SPATA4: variants seen among roughly 807,000 people sequenced by gnomAD.
The protein encoded by SPATA4 is spermatogenesis associated 4, also known as spermatogenesis-associated protein 4.
In SPATA4, 35 loss-of-function variants were observed where a neutral mutation model predicts 31.8. The observed-to-expected ratio is 1.10, with a 90% CI of 0.84 to 1.46. The LOEUF (loss-of-function observed/expected upper bound fraction) is 1.46. Ranked by LOEUF, SPATA4 falls within the 40% of genes most tolerant of loss-of-function variation. The pLI, the probability that SPATA4 is intolerant of heterozygous loss-of-function variation, is 0.00. For synonymous variants in SPATA4, 126 were observed against 132.4 expected, an observed-to-expected ratio of 0.95 and a Z score of 0.33; for missense variants, 394 against 363.1, an observed-to-expected ratio of 1.09 and a Z score of -0.69.
At chr4:176,185,224 A>G (rs1752422531) in intron 5 of SPATA4, among the ~76,000 whole-genome samples, 1 of 152,166 alleles carries the variant, frequency 6.6e-6, no homozygotes, top group Admixed American at 6.5e-5. Context: ...TTTTATACTT[A>G]GATTTGACAA....
intron 4 of SPATA4, among the ~76,000 whole-genome samples, chr4:176,192,234 C>T (rs1203003793): frequency 6.6e-6 from 1 of 152,198 alleles, no homozygotes; most frequent in Non-Finnish European, 1.5e-5. Flanking sequence ...GAAAGGATAA[C>T]ATTGTCCACA....
chr4:176,192,511 T>A, intron 4 of SPATA4, 116 bp downstream of exon 4: 1 of 776,036 alleles, frequency 1.3e-6, no homozygotes, highest in African/African-American at 1.7e-5. Flanking sequence ...GTAATTTCCC[T>A]TTAAACCAGT....
intron 1 of SPATA4, chr4:176,194,920 A>T (rs926236332): frequency 1.3e-5 from 2 of 159,946 alleles, no homozygotes; most frequent in African/African-American, 4.8e-5. Context: ...ATTTTTTAGT[A>T]GAGACGGGGT....
chr4:176,195,469 T>C lies in SPATA4; in HGVS notation c.94A>G (p.Ile32Val), dbSNP rs536462821. The C allele has an allele frequency of 3.6e-5, 58 of 1,614,234 alleles. No homozygotes were observed. In the South Asian group the frequency reaches 5.9e-4, roughly 17 times the overall value. Residue 32 changes from isoleucine (I) to valine (V), a missense_variant, in exon 1 of 6, where the codon ATC becomes GTC. Coordinates refer to ENST00000280191, the MANE Select transcript of SPATA4 (RefSeq NM_144644.4). ...AGACACTTCTTAGGCCTCCCTCGGA[T>C]GGGAGCTGCTAGCTGTGGCGAAAGT... ...PSLSPQLAAPIRGRPKKCLVY... is the reference protein window; with the variant it reads ...PSLSPQLAAPVRGRPKKCLVY...
At chr4:176,190,854 A>G (rs1291340776) in intron 4 of SPATA4, among the ~76,000 whole-genome samples, 3 of 152,192 alleles carry the variant, frequency 2.0e-5, no homozygotes, top group South Asian at 4.1e-4. Flanking sequence ...ATAAGCCAGC[A>G]AACACACCCT....
At chr4:176,185,198 G>A (rs1752422165) in intron 5 of SPATA4, among the ~76,000 whole-genome samples, 1 of 152,106 alleles carries the variant, frequency 6.6e-6, no homozygotes, top group Non-Finnish European at 1.5e-5. Flanking sequence ...AAGCAGCTGA[G>A]GCAACAGTAG....
chr4:176,187,847 A>C (rs1752469179), intron 5 of SPATA4, among the ~76,000 whole-genome samples: 2 of 152,190 alleles, frequency 1.3e-5, no homozygotes, highest in East Asian at 3.8e-4. Flanking sequence ...TTTGAACTCT[A>C]ATGAGCCTGA....
At chr4:176,189,825 G>T (rs748927517) in intron 4 of SPATA4, among the ~76,000 whole-genome samples, 1 of 152,140 alleles carries the variant, frequency 6.6e-6, no homozygotes, top group African/African-American at 2.4e-5. Flanking sequence ...AGGACAAGCC[G>T]CAGACAAAAC....
chr4:176,191,494 G>A (rs1238464995), intron 4 of SPATA4, among the ~76,000 whole-genome samples: 1 of 152,208 alleles, frequency 6.6e-6, no homozygotes, highest in African/African-American at 2.4e-5. Flanking sequence ...AAAGGGGAAG[G>A]TAAAGGCATT....
chr4:176,192,978 G>A lies in SPATA4; in HGVS notation c.447C>T (p.Tyr149=). 2 of 1,607,838 alleles carry A rather than the reference G, an allele frequency of 1.2e-6. No individual in the cohort carries two copies. Among genetic ancestry groups the A allele is most frequent in the Non-Finnish European group, 1.7e-6 (2 of 1,177,290 alleles). Residue 149 remains tyrosine (Y), a synonymous_variant, in exon 3 of 6, where the codon TAC becomes TAT. Coordinates refer to ENST00000280191, the MANE Select transcript of SPATA4 (RefSeq NM_144644.4). ...CTTACTCTCGATGTGTTAATAAAGT[G>A]TAAACCTCTTCTATCAATATTTCAG... The part of the protein sequence containing the change: ...GVPEILIEEV[Y]TLLTHREIKS...
At position 176,192,812 on chromosome 4, in the gene SPATA4, G is replaced by T; in HGVS notation, c.503C>A (p.Thr168Lys). 1 of 1,613,862 alleles carries T rather than the reference G, an allele frequency of 6.2e-7. No individual in the cohort carries two copies. The highest frequency in any genetic ancestry group is 1.1e-5 in the South Asian group (1 of 91,028). Reference protein sequence around the residue: ...KSIQDDFVNFTDYSYQMRLPL... With the variant: ...KSIQDDFVNFKDYSYQMRLPL... The stretch of plus-strand genomic sequence containing the variant: ...TAAACGCATCTGGTAGCTATAGTCC[G>T]TGAAATTCACAAAGTCATCCTGGAT... The change falls in exon 4 of 6, where the codon ACG (threonine) becomes AAG (lysine). Residue 168 changes from threonine to lysine, a missense_variant. Transcript: ENST00000280191.
Position 176,193,054 on chromosome 4 carries a change from T to C in SPATA4, c.371A>G (p.Lys124Arg). The change falls in exon 3 of 6, where the codon AAA (lysine) becomes AGA (arginine). Residue 124 changes from lysine to arginine, a missense_variant. Transcript: ENST00000280191. ...LEKFLARKKF[K>R]LPKELIHGTI... Reference sequence around the variant, plus strand: ...TCCATGGATTAGTTCTTTAGGTAATTTAAATTTTTTTCTTGCCAGGAACTT... The same window carrying C: ...TCCATGGATTAGTTCTTTAGGTAATCTAAATTTTTTTCTTGCCAGGAACTT... 2 of 1,591,902 alleles carry C rather than the reference T, an allele frequency of 1.3e-6. No homozygotes were observed. Among genetic ancestry groups the C allele is most frequent in the Non-Finnish European group, 8.5e-7 (1 of 1,173,716 alleles).
At chr4:176,189,459 G>GAA (rs5864366) in intron 4 of SPATA4, among the ~76,000 whole-genome samples, 13 of 144,610 alleles carry the variant, frequency 9.0e-5, no homozygotes, top group Non-Finnish European at 1.2e-4. Flanking sequence ...CAGAAAAAGA[G>GAA]AAAAAAAAAA....
intron 2 of SPATA4, 50 bp downstream of exon 2, chr4:176,193,403 T>C (rs1362859871): frequency 1.3e-6 from 2 of 1,592,190 alleles, no homozygotes; most frequent in Non-Finnish European, 1.7e-6. Flanking sequence ...CATGGCACAC[T>C]TTAAAACAAA....
chr4:176,194,726 T>C (rs1393003685), intron 1 of SPATA4: 1 of 23,012 alleles, frequency 4.3e-5, no homozygotes, highest in Non-Finnish European at 8.3e-5. Context: ...ACCAGTATTT[T>C]TTTTTTTTTT....
chr4:176,188,252 C>G lies in SPATA4; in HGVS notation c.689-17G>C. On this transcript the variant is annotated splice_polypyrimidine_tract_variant and intron_variant, in intron 4 of 5. Coordinates refer to ENST00000280191, the MANE Select transcript of SPATA4 (RefSeq NM_144644.4). ...CAAACCATTCTATAAAATATGAACA[C>G]AAAAGTTATTTCTTAAAAAGCCATA... 4 of 1,518,056 alleles carry G rather than the reference C, an allele frequency of 2.6e-6. No homozygotes were observed. The highest frequency in any genetic ancestry group is 3.6e-6 in the Non-Finnish European group (4 of 1,117,426). The allele number at this position is 1,518,056 out of a possible 1,614,324, so 94.0% of individuals were successfully genotyped here.
chr4:176,186,063 C>G (rs1561238271), intron 5 of SPATA4, among the ~76,000 whole-genome samples: 2 of 152,170 alleles, frequency 1.3e-5, no homozygotes, highest in African/African-American at 4.8e-5. Flanking sequence ...GAATCCTGAT[C>G]TGAAGTAATG....
intron 5 of SPATA4, among the ~76,000 whole-genome samples, chr4:176,186,083 A>T (rs1752437005): frequency 6.6e-6 from 1 of 152,234 alleles, no homozygotes; most frequent in Admixed American, 6.5e-5. Context: ...GATAGCATGT[A>T]GTTTTTCTAA....
rs952665755 is a variant in SPATA4, at chr4:176,192,125, TG to T, written c.688+501del. 7.2e-5 allele frequency among the ~76,000 whole-genome samples: 11 copies of T among 152,332 alleles called. 1 individual carries two copies. The highest frequency in any genetic ancestry group is 2.6e-4 in the African/African-American group (11 of 41,594). Reference sequence around the variant, plus strand: ...TGGCAAATGCAGATGGCAAATGCTTTGTTTGGGTACTTAGAGAATGATTTCA... The same window carrying T: ...TGGCAAATGCAGATGGCAAATGCTTTTTTGGGTACTTAGAGAATGATTTCA... On this transcript the variant is annotated intron_variant, in intron 4 of 5. Coordinates refer to ENST00000280191, the MANE Select transcript of SPATA4 (RefSeq NM_144644.4).
Sources: gnomAD v4.1 joint callset for allele counts (sites outside exome capture counted in the v4.1 genomes callset) on GRCh38, gnomAD v4.1.1 for gene constraint, MANE v1.5 for transcripts, NCBI Gene and HGNC (gene_info 2026-07-23, HGNC 2026-07-21) for gene names.